Variants in RUVBL2 observed in about 807,000 individuals in gnomAD.
RUVBL2 encodes the protein RuvB like AAA ATPase 2, also known as ruvB-like 2.
A neutral mutation model predicts 57.9 loss-of-function variants in RUVBL2; 9 were observed. The observed-to-expected ratio is 0.16, with a 90% CI of 0.09 to 0.27. The LOEUF (loss-of-function observed/expected upper bound fraction) is 0.27. Ranked by LOEUF, RUVBL2 falls within the 10% of genes least tolerant of loss-of-function variation. The pLI, the probability that RUVBL2 is intolerant of heterozygous loss-of-function variation, is 1.00. For missense variants in RUVBL2, 456 were observed against 669.6 expected, an observed-to-expected ratio of 0.68 and a Z score of 3.52; for synonymous variants, 278 against 264.6, an observed-to-expected ratio of 1.05 and a Z score of -0.49.
rs563524900 is a variant in RUVBL2 at position 49,007,201 on chromosome 19, G to A, written c.395+54G>A. ...GACCCCAGAGCCTGGGAGCAACCCCGCACCCCGGGCGGCTCGTCCTTTGTC... is the reference window on the plus strand; with the variant it reads ...GACCCCAGAGCCTGGGAGCAACCCCACACCCCGGGCGGCTCGTCCTTTGTC... On this transcript the variant is annotated intron_variant, in intron 5 of 14. Coordinates refer to ENST00000595090, the MANE Select transcript of RUVBL2 (RefSeq NM_006666.3). The A allele has an allele frequency of 2.0e-4, 327 of 1,609,192 alleles. 1 individual carries two copies. In the African/African-American group the frequency reaches 3.9e-3, roughly 19 times the overall value.
chr19:48,993,834 G>A (rs1033042345), upstream of RUVBL2: 46 of 1,573,258 alleles, frequency 2.9e-5, no homozygotes, highest in South Asian at 8.9e-5. Context: ...TGAAGAACCA[G>A]CTAGCCTAGA....
intron 13 of RUVBL2, 130 bp downstream of exon 13, chr19:49,015,280 G>T: frequency 7.6e-7 from 1 of 1,311,328 alleles, no homozygotes; most frequent in Non-Finnish European, 1.0e-6. Context: ...CATCCCTCAG[G>T]TTGGCTTCTG....
At position 49,010,924 on chromosome 19, in the gene RUVBL2, T is replaced by C. The variant is rs2039411706; in HGVS notation, c.788-75T>C. The C allele has an allele frequency of 3.0e-6, 4 of 1,313,450 alleles. No homozygotes were observed. The Admixed American group carries it at 7.9e-5, about 26-fold the overall frequency. The allele number at this position is 1,313,450 out of a possible 1,614,324, so 81.4% of individuals were successfully genotyped here. ...TCCTCCATCCCTGGCATCATCCTTCTCTGTCTTAGCCACACTCTGGCCCTG... is the reference window on the plus strand; with the variant it reads ...TCCTCCATCCCTGGCATCATCCTTCCCTGTCTTAGCCACACTCTGGCCCTG... On this transcript the variant is annotated intron_variant, in intron 9 of 14. Coordinates refer to ENST00000595090, the MANE Select transcript of RUVBL2 (RefSeq NM_006666.3).
Position 49,015,574 on chromosome 19 carries a change from T to C in RUVBL2, c.1254T>C (p.Gly418=), listed in dbSNP as rs775772730. Residue 418 remains glycine (G), a splice_region_variant and synonymous_variant, in exon 14 of 15, where the codon GGT becomes GGC. Coordinates refer to ENST00000595090, the MANE Select transcript of RUVBL2 (RefSeq NM_006666.3). The part of the protein sequence containing the change: ...AASLVCRKRK[G]TEVQVDDIKR... Reference sequence around the variant, plus strand: ...GAGGACTCGCCCTCCCCCTCCAGGGTACAGAAGTGCAGGTGGATGACATCA... The same window carrying C: ...GAGGACTCGCCCTCCCCCTCCAGGGCACAGAAGTGCAGGTGGATGACATCA... 6.2e-7 allele frequency: 1 copy of C among 1,612,842 alleles called. No individual in the cohort carries two copies. The highest frequency in any genetic ancestry group is 8.5e-7 in the Non-Finnish European group (1 of 1,179,072).
upstream of RUVBL2, chr19:48,993,564 G>A (rs773498017): frequency 4.3e-6 from 2 of 464,368 alleles, no homozygotes; most frequent in East Asian, 4.0e-5. Flanking sequence ...TCAAAGTGGG[G>A]AGGAGGAGGA....
Position 49,014,511 on chromosome 19 carries a change from T to G in RUVBL2, c.1029T>G (p.Pro343=). 1 of 1,614,072 alleles carries G rather than the reference T, an allele frequency of 6.2e-7. No individual in the cohort carries two copies. Among genetic ancestry groups the G allele is most frequent in the Non-Finnish European group, 8.5e-7 (1 of 1,179,988 alleles). ...TCCGGGGCACCAGCTACCAGAGCCC[T>G]CACGGCATCCCCATAGACCTGCTGG... ...TRIRGTSYQS[P]HGIPIDLLDR... Residue 343 remains proline, a synonymous_variant, in exon 12 of 15, where the codon CCT becomes CCG. Transcript: ENST00000595090.
intron 1 of RUVBL2, among the ~76,000 whole-genome samples, chr19:48,996,873 G>A (rs1028165774): frequency 2.0e-5 from 3 of 151,928 alleles, no homozygotes; most frequent in African/African-American, 7.3e-5. Context: ...ATGTTGGCCA[G>A]GCTGGTCTCG....
chr19:49,014,999 C>G, intron 12 of RUVBL2, 22 bp from the exon 13 acceptor site: 1 of 1,582,436 alleles, frequency 6.3e-7, no homozygotes, highest in Non-Finnish European at 8.6e-7. Context: ...GCTGAGCCAC[C>G]CCTGTCCCCC....
rs76784576 is a variant in RUVBL2 at position 49,015,102 on chromosome 19, C to T, written c.1203C>T (p.Tyr401=). 6.6e-4 allele frequency: 1,055 copies of T among 1,609,918 alleles called. 18 individuals carry two copies. The East Asian group carries it at 0.017, about 25-fold the overall frequency. The change falls in exon 13 of 15, where the codon TAC becomes TAT. Residue 401 remains tyrosine (Y), a synonymous_variant. Transcript: ENST00000595090. ...TCGGGCTGGAGACGTCACTGCGCTA[C>T]GCCATCCAGCTCATCACAGCTGCCA... ...TRIGLETSLR[Y]AIQLITAASL... is the part of the protein sequence containing the mutation.
chr19:48,999,445 G>C lies in RUVBL2; in HGVS notation c.67+72G>C, dbSNP rs1205328725. On this transcript the variant is annotated intron_variant, in intron 2 of 14. Transcript: ENST00000595090. ...TGCCCTGACAGAGCAAACCTATTGA[G>C]GACCCCTAAGATGGAGAGGGAGGTG... 6 of 1,505,726 alleles carry C rather than the reference G, an allele frequency of 4.0e-6. No individual in the cohort carries two copies. In the African/African-American group the frequency reaches 8.3e-5, roughly 21 times the overall value. The allele number at this position is 1,505,726 out of a possible 1,614,324, so 93.3% of individuals were successfully genotyped here.
chr19:49,014,996 C>T (rs755047943), intron 12 of RUVBL2, 25 bp from the exon 13 acceptor site: 14 of 1,580,192 alleles, frequency 8.9e-6, no homozygotes, highest in Non-Finnish European at 1.2e-5. Flanking sequence ...CCGGCTGAGC[C>T]ACCCCTGTCC....
chr19:48,997,477 AT>A (rs766135000), intron 1 of RUVBL2, among the ~76,000 whole-genome samples: 13 of 151,922 alleles, frequency 8.6e-5, no homozygotes, highest in South Asian at 8.3e-4. Flanking sequence ...ATACAAAAAA[AT>A]ATTAGCCAGG....
At chr19:48,994,096 A>T in intron 1 of RUVBL2, 173 bp downstream of exon 1, 28 of 108,186 alleles carry the variant, frequency 2.6e-4, no homozygotes, top group East Asian at 1.0e-3. Context: ...AGAAGGGGAC[A>T]TGGGGGCTGG....
chr19:49,004,812 CAT>C lies in RUVBL2; in HGVS notation c.265+395_265+396del, dbSNP rs1159535538. Reference sequence around the variant, plus strand: ...ATCCTCCATGCTTCTGCTTATATCTCATTATCTCATTGACTAGAATGTAATCA... The same window carrying C: ...ATCCTCCATGCTTCTGCTTATATCTCTATCTCATTGACTAGAATGTAATCA... On this transcript the variant is annotated intron_variant, in intron 4 of 14. Transcript: ENST00000595090. 7.2e-5 allele frequency among the ~76,000 whole-genome samples: 11 copies of C among 152,256 alleles called. No homozygotes were observed. In the East Asian group the frequency reaches 2.1e-3, roughly 29 times the overall value.
chr19:48,995,578 A>G (rs1281894953), intron 1 of RUVBL2, among the ~76,000 whole-genome samples: 1 of 151,832 alleles, frequency 6.6e-6, no homozygotes, highest in Non-Finnish European at 1.5e-5. Flanking sequence ...GGCTGGGCAC[A>G]GTGGCTCACG....
chr19:49,015,575 A>T lies in RUVBL2; in HGVS notation c.1255A>T (p.Thr419Ser). Residue 419 changes from threonine to serine, a missense_variant, in exon 14 of 15, where the codon ACA becomes TCA. Physicochemically the swap from Thr to Ser is moderately conservative, Grantham distance 58. Transcript: ENST00000595090. The part of the protein sequence containing the change: ...ASLVCRKRKG[T>S]EVQVDDIKRV... Reference sequence around the variant, plus strand: ...AGGACTCGCCCTCCCCCTCCAGGGTACAGAAGTGCAGGTGGATGACATCAA... The same window carrying T: ...AGGACTCGCCCTCCCCCTCCAGGGTTCAGAAGTGCAGGTGGATGACATCAA... 1 of 1,612,524 alleles carries T rather than the reference A, an allele frequency of 6.2e-7. No homozygotes were observed. The highest frequency in any genetic ancestry group is 8.5e-7 in the Non-Finnish European group (1 of 1,178,674).
rs775318764 is a variant in RUVBL2 at position 49,014,447 on chromosome 19, T to TG, written c.1002-36dup. 5.6e-6 allele frequency: 9 copies of TG among 1,602,304 alleles called. No homozygotes were observed. The South Asian group carries it at 6.7e-5, about 12-fold the overall frequency. Reference sequence around the variant, plus strand: ...CAGCAAAGGGAATGAAGAGGGAACATGCCCCTGACAGCCCCCTCTTTCTGC... The same window carrying TG: ...CAGCAAAGGGAATGAAGAGGGAACATGGCCCCTGACAGCCCCCTCTTTCTGC... On this transcript the variant is annotated intron_variant, in intron 11 of 14. Coordinates refer to ENST00000595090, the MANE Select transcript of RUVBL2 (RefSeq NM_006666.3).
rs2039130855 is a variant in RUVBL2, at chr19:48,999,326, C to T, written c.20C>T (p.Thr7Ile). The stretch of plus-strand genomic sequence containing the variant: ...ATCTTCTTGCACCCCCAGACAGCCA[C>T]AACCAAAGTCCCGGAGATCCGTGAT... MATVTA[T>I]TKVPEIRDVT... The change falls in exon 2 of 15, where the codon ACA becomes ATA. Residue 7 changes from threonine (T) to isoleucine (I), a missense_variant. Coordinates refer to ENST00000595090, the MANE Select transcript of RUVBL2 (RefSeq NM_006666.3). 4.3e-6 allele frequency: 7 copies of T among 1,614,236 alleles called. No individual in the cohort carries two copies. The East Asian group carries it at 1.3e-4, about 31-fold the overall frequency.
chr19:49,014,872 T>C, intron 12 of RUVBL2, 149 bp from the exon 13 acceptor site: 2 of 1,216,696 alleles, frequency 1.6e-6, no homozygotes, highest in South Asian at 3.1e-5. Flanking sequence ...CCTGTCTCCG[T>C]GGCTCTTCTA....
Sources: gnomAD v4.1 joint callset for allele counts (sites outside exome capture counted in the v4.1 genomes callset) on GRCh38, gnomAD v4.1.1 for gene constraint, MANE v1.5 for transcripts, NCBI Gene and HGNC (gene_info 2026-07-23, HGNC 2026-07-21) for gene names.